Variants in TNFRSF19 observed in about 807,000 individuals in gnomAD.
The protein encoded by TNFRSF19 is TNF receptor superfamily member 19.
TNFRSF19 carries 27 observed loss-of-function variants against 46.4 expected under a neutral mutation model. That is an observed-to-expected ratio of 0.58 (90% CI 0.43 to 0.80). The LOEUF is 0.80. TNFRSF19 is among the 30% of genes least tolerant of loss of function. The pLI is 0.00. For synonymous variants in TNFRSF19, 204 were observed against 205.0 expected (o/e 1.00, Z 0.04); for missense variants, 511 against 530.8 (o/e 0.96, Z 0.37).
intron 3 of TNFRSF19, among the ~76,000 whole-genome samples, chr13:23,600,730 C>T (rs1399128724): frequency 6.6e-6 from 1 of 152,062 alleles, no homozygotes; most frequent in Non-Finnish European, 1.5e-5. Flanking sequence ...CCATTCTCTC[C>T]CATTTAAGGG....
intron 5 of TNFRSF19, among the ~76,000 whole-genome samples, chr13:23,634,661 G>A (rs1156774989): frequency 6.6e-6 from 1 of 152,198 alleles, no homozygotes; most frequent in Non-Finnish European, 1.5e-5. Flanking sequence ...GTGAGCTTAT[G>A]GAGGAAAGCA....
chr13:23,640,471 CTA>C (rs1882970718), intron 5 of TNFRSF19, among the ~76,000 whole-genome samples: 1 of 152,184 alleles, frequency 6.6e-6, no homozygotes, highest in African/African-American at 2.4e-5. Flanking sequence ...GTGGTTCTCT[CTA>C]GTTAAAACTA....
intron 1 of TNFRSF19, among the ~76,000 whole-genome samples, chr13:23,588,725 C>T (rs943870301): frequency 3.3e-5 from 5 of 152,148 alleles, no homozygotes; most frequent in African/African-American, 4.8e-5. Flanking sequence ...CTCACCCTAA[C>T]CCTGTGTCTA....
At chr13:23,580,411 C>T (rs1878326585) in intron 1 of TNFRSF19, among the ~76,000 whole-genome samples, 1 of 150,670 alleles carries the variant, frequency 6.6e-6, no homozygotes, top group South Asian at 2.1e-4. Context: ...CAAAACCAAA[C>T]AATTTCTTTA....
intron 1 of TNFRSF19, among the ~76,000 whole-genome samples, chr13:23,576,136 CTTT>C (rs368860825): frequency 2.1e-5 from 3 of 140,508 alleles, no homozygotes. Flanking sequence ...TCACAGAATT[CTTT>C]TTTTTTTTTT....
intron 3 of TNFRSF19, among the ~76,000 whole-genome samples, chr13:23,606,670 A>T (rs564870473): frequency 6.6e-6 from 1 of 152,248 alleles, no homozygotes. Flanking sequence ...TATAAATCAT[A>T]TATTTTGCCA....
chr13:23,594,890 C>T (rs991640254), intron 3 of TNFRSF19, among the ~76,000 whole-genome samples: 18 of 152,296 alleles, frequency 1.2e-4, no homozygotes, highest in Non-Finnish European at 2.1e-4. Flanking sequence ...GTGGGTGCCC[C>T]TTTGGGACGA....
At chr13:23,578,075 G>GGCCCC (rs1158384159) in intron 1 of TNFRSF19, among the ~76,000 whole-genome samples, 1 of 152,162 alleles carries the variant, frequency 6.6e-6, no homozygotes, top group Non-Finnish European at 1.5e-5. Context: ...TCGTGTGCTA[G>GGCCCC]GCCCCGGGAT....
At chr13:23,634,004 T>C (rs981664369) in intron 5 of TNFRSF19, among the ~76,000 whole-genome samples, 2 of 152,262 alleles carry the variant, frequency 1.3e-5, no homozygotes. Context: ...TCTCCAGATA[T>C]GTTTCCATAG....
At chr13:23,581,127 C>CTTTTTTT (rs1226042943) in intron 1 of TNFRSF19, among the ~76,000 whole-genome samples, 2 of 123,246 alleles carry the variant, frequency 1.6e-5, no homozygotes, top group African/African-American at 2.9e-5. Context: ...TTCTTTTTTT[C>CTTTTTTT]TTTTCTTTTT....
At chr13:23,611,133 C>G (rs1400278507) in intron 3 of TNFRSF19, among the ~76,000 whole-genome samples, 1 of 149,432 alleles carries the variant, frequency 6.7e-6, no homozygotes, top group East Asian at 2.0e-4. Flanking sequence ...TGTGCACACA[C>G]ACACACACAC....
chr13:23,638,918 A>G (rs1593277854), intron 5 of TNFRSF19, among the ~76,000 whole-genome samples: 1 of 152,320 alleles, frequency 6.6e-6, no homozygotes, highest in East Asian at 1.9e-4. Flanking sequence ...TGTGTAATTA[A>G]TACACATGCA....
intron 1 of TNFRSF19, among the ~76,000 whole-genome samples, chr13:23,572,400 A>G (rs1218012378): frequency 1.3e-5 from 2 of 152,162 alleles, no homozygotes; most frequent in Non-Finnish European, 2.9e-5. Flanking sequence ...GTTCACATTC[A>G]GATAAAGAAA....
chr13:23,616,195 C>CAGATAATCCAG, intron 4 of TNFRSF19, 150 bp downstream of exon 4: 13 of 782,638 alleles, frequency 1.7e-5, no homozygotes, highest in South Asian at 2.3e-5. Context: ...GTATTAACCA[C>CAGATAATCCAG]TGGATTATCT....
At chr13:23,624,261 C>G (rs1881850579) in intron 4 of TNFRSF19, among the ~76,000 whole-genome samples, 1 of 151,624 alleles carries the variant, frequency 6.6e-6, no homozygotes, top group African/African-American at 2.4e-5. Context: ...TATGCCAGTA[C>G]TACATATTTT....
At chr13:23,628,336 A>G (rs954909056) in intron 5 of TNFRSF19, among the ~76,000 whole-genome samples, 1 of 152,230 alleles carries the variant, frequency 6.6e-6, no homozygotes, top group African/African-American at 2.4e-5. Context: ...CTAACATGTC[A>G]GGGACACTGG....
intron 1 of TNFRSF19, among the ~76,000 whole-genome samples, chr13:23,571,150 A>G (rs1169893626): frequency 1.3e-5 from 2 of 152,216 alleles, no homozygotes; most frequent in African/African-American, 4.8e-5. Context: ...TGCAACTGGT[A>G]CTTCAACCCC....
chr13:23,582,616 T>G (rs1399670429), intron 1 of TNFRSF19, among the ~76,000 whole-genome samples: 1 of 152,216 alleles, frequency 6.6e-6, no homozygotes, highest in Non-Finnish European at 1.5e-5. Flanking sequence ...TAGGTAAGTT[T>G]TGACATACTG....
intron 4 of TNFRSF19, among the ~76,000 whole-genome samples, chr13:23,617,102 G>A (rs942485809): frequency 1.3e-5 from 2 of 151,972 alleles, no homozygotes; most frequent in African/African-American, 4.8e-5. Flanking sequence ...GACGAGGCAC[G>A]GAGCCAAGCA....
Sources: allele counts gnomAD v4.1 joint callset (sites outside exome capture counted in the v4.1 genomes callset), GRCh38; gene constraint gnomAD v4.1.1; transcripts MANE v1.5; gene names NCBI Gene and HGNC (gene_info 2026-07-23, HGNC 2026-07-21).